LRRC4C: variants seen among roughly 807,000 people sequenced by gnomAD.
The protein encoded by LRRC4C is leucine rich repeat containing 4C.
LRRC4C carries 5 observed loss-of-function variants against 33.6 expected under a neutral mutation model. The ratio of observed to expected loss-of-function variants is 0.15; its 90% confidence interval spans 0.08 to 0.31. The LOEUF (loss-of-function observed/expected upper bound fraction) is 0.31, where lower values mean the gene tolerates loss of function less well. LRRC4C is among the 10% of genes least tolerant of loss of function. LRRC4C has a pLI of 1.00. For missense variants in LRRC4C, 560 were observed against 796.7 expected (o/e 0.70, Z 3.58); for synonymous variants, 329 against 302.0 (o/e 1.09, Z -0.93).
chr11:40,681,873 C>T (rs569070675), intron 2 of LRRC4C, among the ~76,000 whole-genome samples: 1 of 152,226 alleles, frequency 6.6e-6, no homozygotes, highest in South Asian at 2.1e-4. Context: ...TATTTTCTCA[C>T]TGATATGTGG....
chr11:40,382,684 ATTTTTTTT>A (rs35200000), intron 3 of LRRC4C, among the ~76,000 whole-genome samples: 25 of 65,570 alleles, frequency 3.8e-4, no homozygotes, highest in South Asian at 1.8e-3. Context: ...ACTTGTACTC[ATTTTTTTT>A]TTTTTTTTTT....
intron 1 of LRRC4C, among the ~76,000 whole-genome samples, chr11:41,215,290 C>A (rs1305223137): frequency 6.6e-6 from 1 of 151,604 alleles, no homozygotes; most frequent in African/African-American, 2.4e-5. Context: ...AAATTCAAGA[C>A]CAGCCTGGCC....
At chr11:40,327,900 G>GA (rs1250149448) in intron 3 of LRRC4C, among the ~76,000 whole-genome samples, 4 of 151,710 alleles carry the variant, frequency 2.6e-5, no homozygotes, top group African/African-American at 9.7e-5. Context: ...AGAAAATCAA[G>GA]AAAAAAATTT....
At chr11:40,461,756 C>T (rs1952408595) in intron 3 of LRRC4C, among the ~76,000 whole-genome samples, 1 of 150,138 alleles carries the variant, frequency 6.7e-6, no homozygotes. Flanking sequence ...AAAATATTTG[C>T]ATGTAGTCTT....
chr11:40,788,515 T>C (rs957312030), intron 2 of LRRC4C, among the ~76,000 whole-genome samples: 2 of 152,196 alleles, frequency 1.3e-5, no homozygotes, highest in African/African-American at 4.8e-5. Context: ...CCAGATACCA[T>C]ACTTAGAACC....
intron 1 of LRRC4C, among the ~76,000 whole-genome samples, chr11:41,172,061 T>C (rs1945000540): frequency 1.3e-5 from 2 of 151,890 alleles, no homozygotes; most frequent in Non-Finnish European, 2.9e-5. Flanking sequence ...AGAGACAAGA[T>C]AGGAGCAAGT....
intron 2 of LRRC4C, among the ~76,000 whole-genome samples, chr11:40,849,556 G>A (rs1021019753): frequency 3.9e-5 from 6 of 151,970 alleles, no homozygotes; most frequent in South Asian, 2.1e-4. Flanking sequence ...TTTCTCTCTG[G>A]CTGCCCTTAA....
At chr11:40,718,123 G>A (rs893324496) in intron 2 of LRRC4C, among the ~76,000 whole-genome samples, 1 of 152,152 alleles carries the variant, frequency 6.6e-6, no homozygotes, top group African/African-American at 2.4e-5. Context: ...GGATGCCTAT[G>A]TAATCATTTC....
intron 1 of LRRC4C, among the ~76,000 whole-genome samples, chr11:41,235,812 G>C (rs1352230): frequency 6.6e-6 from 1 of 151,822 alleles, no homozygotes; most frequent in Non-Finnish European, 1.5e-5. Context: ...GCCTCCCAGG[G>C]GAGTTCTTAC....
At chr11:40,557,222 C>G (rs1957366398) in intron 3 of LRRC4C, among the ~76,000 whole-genome samples, 1 of 151,634 alleles carries the variant, frequency 6.6e-6, no homozygotes, top group African/African-American at 2.4e-5. Context: ...CACTCATGTC[C>G]AAGCAGAAGA....
intron 3 of LRRC4C, among the ~76,000 whole-genome samples, chr11:40,609,469 AAAC>A (rs1357391237): frequency 6.6e-6 from 1 of 152,068 alleles, no homozygotes; most frequent in Non-Finnish European, 1.5e-5. Flanking sequence ...TATCTCAAAT[AAAC>A]AACAATTTTG....
chr11:40,326,678 T>C (rs1323175850), intron 3 of LRRC4C, among the ~76,000 whole-genome samples: 2 of 152,138 alleles, frequency 1.3e-5, no homozygotes, highest in Non-Finnish European at 2.9e-5. Flanking sequence ...TGGAGTATTA[T>C]AAAGACATTG....
intron 1 of LRRC4C, among the ~76,000 whole-genome samples, chr11:41,075,014 CTTTTTTTTTT>C (rs869112602): frequency 9.9e-6 from 1 of 101,014 alleles, no homozygotes; most frequent in Non-Finnish European, 2.3e-5. Context: ...CTTCAATTTT[CTTTTTTTTTT>C]TTTTTTTTTT....
At chr11:40,467,036 G>A (rs917969828) in intron 3 of LRRC4C, among the ~76,000 whole-genome samples, 2 of 152,188 alleles carry the variant, frequency 1.3e-5, no homozygotes, top group South Asian at 4.1e-4. Context: ...AGGAAAAGAC[G>A]CAGCCTCAGT....
Position 41,146,431 on chromosome 11 carries a change from T to C in LRRC4C, c.-495-212708A>G, listed in dbSNP as rs535990168. ...TACTGAGCGTTTCCTTGACTATATT[T>C]AGAATTCCTTTTTAACAAGGTGTCT... On this transcript the variant is annotated intron_variant, in intron 1 of 6. Coordinates refer to ENST00000528697, the MANE Select transcript of LRRC4C (RefSeq NM_001258419.2). 3.3e-5 allele frequency among the ~76,000 whole-genome samples: 5 copies of C among 152,328 alleles called. No individual in the cohort carries two copies. The South Asian group carries it at 1.0e-3, about 32-fold the overall frequency.
chr11:40,158,042 AG>A (rs1858849827), intron 5 of LRRC4C, among the ~76,000 whole-genome samples: 1 of 152,228 alleles, frequency 6.6e-6, no homozygotes. Flanking sequence ...GAGTGGATAA[AG>A]AAACTGTGGT....
chr11:41,096,770 A>G lies in LRRC4C; in HGVS notation c.-495-163047T>C, dbSNP rs552640149. Among the ~76,000 whole-genome samples the G allele has an allele frequency of 1.1e-4, 16 of 152,262 alleles. No individual in the cohort carries two copies. In the South Asian group the frequency reaches 3.3e-3, roughly 32 times the overall value. On this transcript the variant is annotated intron_variant, in intron 1 of 6. Transcript: ENST00000528697. ...TGTTAGAAAGAGGTTGTAGCATCCT[A>G]TAAGGTAAAGCTTTGTAAGTCCTAG...
In LRRC4C at chr11:40,925,505, G is replaced by A. The variant is rs181171621; in HGVS notation, c.-407+8130C>T. Among the ~76,000 whole-genome samples the A allele has an allele frequency of 3.5e-4, 54 of 152,242 alleles. No homozygotes were observed. In the East Asian group the frequency reaches 9.5e-3, roughly 27 times the overall value. ...AAGTTGGTTAACCTGCAACTGTCAC[G>A]CAGCACATATAAGAAGGAAACTTTG... On this transcript the variant is annotated intron_variant, in intron 2 of 6. Coordinates refer to ENST00000528697, the MANE Select transcript of LRRC4C (RefSeq NM_001258419.2).
intron 3 of LRRC4C, among the ~76,000 whole-genome samples, chr11:40,444,552 A>G (rs1951544799): frequency 6.6e-6 from 1 of 151,988 alleles, no homozygotes; most frequent in African/African-American, 2.4e-5. Context: ...ATGAAACAAA[A>G]TCATATTTAA....
Sources: gnomAD v4.1 joint callset for allele counts (sites outside exome capture counted in the v4.1 genomes callset) on GRCh38, gnomAD v4.1.1 for gene constraint, MANE v1.5 for transcripts, NCBI Gene and HGNC (gene_info 2026-07-23, HGNC 2026-07-21) for gene names.